The following NBAS variants were observed in gnomAD, a reference collection of about 807,000 sequenced individuals.
NBAS encodes NBAS subunit of NRZ tethering complex.
Under a neutral mutation model 302.5 loss-of-function variants are expected in NBAS, and 219 were observed. The observed-to-expected ratio is 0.72, with a 90% CI of 0.65 to 0.81. The LOEUF (loss-of-function observed/expected upper bound fraction) is 0.81. Ranked by LOEUF, NBAS falls within the 30% of genes least tolerant of loss-of-function variation. The pLI, the probability that NBAS is intolerant of heterozygous loss-of-function variation, is 0.00. For missense variants in NBAS, 2,932 were observed against 2,841.6 expected, an observed-to-expected ratio of 1.03 and a Z score of -0.72; for synonymous variants, 1,118 against 1,021.6, an observed-to-expected ratio of 1.09 and a Z score of -1.80.
chr2:15,129,362 G>A, the NBAS span, among the ~76,000 whole-genome samples: 4 of 152,190 alleles, frequency 2.6e-5, no homozygotes, highest in African/African-American at 9.6e-5. Flanking sequence ...AAGGCTCACT[G>A]TGCTCCTCCT....
At chr2:15,401,363 T>C (rs1676143998) in intron 26 of NBAS, among the ~76,000 whole-genome samples, 1 of 150,850 alleles carries the variant, frequency 6.6e-6, no homozygotes, top group South Asian at 2.1e-4. Context: ...AAAAATGTCC[T>C]TAAAAGAAAA....
At chr2:15,427,248 TA>T (rs1677525055) in intron 22 of NBAS, among the ~76,000 whole-genome samples, 2 of 152,026 alleles carry the variant, frequency 1.3e-5, no homozygotes, top group African/African-American at 4.8e-5. Flanking sequence ...GAGTAGGGCA[TA>T]AAGGCATTCC....
chr2:15,467,860 G>A (rs1304674762), intron 17 of NBAS, 56 bp from the exon 18 acceptor site: 3 of 1,381,710 alleles, frequency 2.2e-6, no homozygotes, highest in African/African-American at 2.9e-5. Context: ...TTCGTGTTGT[G>A]AAAAGCTTTC....
the NBAS span, among the ~76,000 whole-genome samples, chr2:14,957,278 C>CGTGTGTGTGT: frequency 2.0e-3 from 292 of 147,576 alleles, 1 homozygote; most frequent in African/African-American, 7.0e-3. Flanking sequence ...TATACATATA[C>CGTGTGTGTGT]GTGTGTGTGT....
At chr2:15,424,238 G>C in intron 23 of NBAS, 77 bp downstream of exon 23, 1 of 1,533,860 alleles carries the variant, frequency 6.5e-7, no homozygotes. Context: ...TGTCAGCCCC[G>C]ACTCCGTGTA....
intron 44 of NBAS, among the ~76,000 whole-genome samples, chr2:15,269,712 C>G (rs1193881620): frequency 1.3e-5 from 2 of 152,322 alleles, no homozygotes; most frequent in Non-Finnish European, 1.5e-5. Context: ...TAAATGCCTT[C>G]ATGCAATTAT....
the NBAS span, among the ~76,000 whole-genome samples, chr2:14,823,938 C>T: frequency 9.9e-3 from 1,506 of 152,284 alleles, 15 homozygotes; most frequent in Non-Finnish European, 0.017. Context: ...CAAACCACTC[C>T]GAGGCACTGT....
chr2:15,144,797 T>A, the NBAS span, among the ~76,000 whole-genome samples: 7 of 152,196 alleles, frequency 4.6e-5, no homozygotes, highest in South Asian at 1.2e-3. Flanking sequence ...GTGGTTGCGT[T>A]GGTTTATGAG....
chr2:15,504,689 G>A (rs980979092), intron 10 of NBAS, among the ~76,000 whole-genome samples: 1 of 152,110 alleles, frequency 6.6e-6, no homozygotes, highest in Non-Finnish European at 1.5e-5. Context: ...TTTAGACTTA[G>A]AAACTATATT....
At chr2:15,214,507 A>T (rs1666566035) in intron 48 of NBAS, among the ~76,000 whole-genome samples, 1 of 152,220 alleles carries the variant, frequency 6.6e-6, no homozygotes, top group Admixed American at 6.5e-5. Context: ...ATGACTGCTG[A>T]ACTGGGGATG....
chr2:15,303,597 T>C (rs997289984), intron 40 of NBAS, among the ~76,000 whole-genome samples: 1 of 152,134 alleles, frequency 6.6e-6, no homozygotes, highest in African/African-American at 2.4e-5. Context: ...GGTGTGTGAA[T>C]TTGGAAAGAG....
At chr2:14,965,371 G>T in the NBAS span, among the ~76,000 whole-genome samples, 3 of 151,896 alleles carry the variant, frequency 2.0e-5, no homozygotes, top group East Asian at 5.8e-4. Context: ...GATATTAAAA[G>T]GATAATTCGA....
chr2:15,472,394 C>G (rs903929720), intron 16 of NBAS, among the ~76,000 whole-genome samples: 1 of 152,142 alleles, frequency 6.6e-6, no homozygotes, highest in Non-Finnish European at 1.5e-5. Flanking sequence ...CACCCAGGCA[C>G]CTGAGAGGGA....
intron 48 of NBAS, among the ~76,000 whole-genome samples, chr2:15,207,385 C>T (rs527893120): frequency 6.6e-6 from 1 of 152,268 alleles, no homozygotes; most frequent in East Asian, 1.9e-4. Flanking sequence ...TAAGTGAAAA[C>T]AACTCGTCTT....
intron 44 of NBAS, among the ~76,000 whole-genome samples, chr2:15,242,961 T>C (rs1239734104): frequency 2.6e-5 from 4 of 152,066 alleles, no homozygotes; most frequent in Non-Finnish European, 4.4e-5. Context: ...ACATATATCA[T>C]GGGAGATAAT....
At chr2:14,840,929 TG>T in the NBAS span, among the ~76,000 whole-genome samples, 1 of 152,080 alleles carries the variant, frequency 6.6e-6, no homozygotes, top group Non-Finnish European at 1.5e-5. Flanking sequence ...AACTCTGGTA[TG>T]AAGCCAGACA....
intron 32 of NBAS, among the ~76,000 whole-genome samples, chr2:15,360,779 G>A (rs1029920825): frequency 1.3e-5 from 2 of 148,954 alleles, no homozygotes; most frequent in South Asian, 2.1e-4. Flanking sequence ...TCCACCTATT[G>A]TCCCACTGGA....
chr2:15,167,334 T>C lies in NBAS; in HGVS notation c.6841-11A>G. The C allele has an allele frequency of 6.2e-7, 1 of 1,614,116 alleles. No homozygotes were observed. Among genetic ancestry groups the C allele is most frequent in the Non-Finnish European group, 8.5e-7 (1 of 1,179,984 alleles). On this transcript the variant is annotated splice_polypyrimidine_tract_variant and intron_variant, in intron 51 of 51. Transcript: ENST00000281513. ...ATTGGAATCATTCACCTTCAAGAAA[T>C]AAGACAGGCACAGCGTGAGGGGGTG...
the NBAS span, among the ~76,000 whole-genome samples, chr2:14,985,692 A>T: frequency 6.6e-6 from 1 of 152,210 alleles, no homozygotes; most frequent in Non-Finnish European, 1.5e-5. Flanking sequence ...GTTGGTTTAA[A>T]TGTCTAGAAG....
Sources: allele counts gnomAD v4.1 joint callset (sites outside exome capture counted in the v4.1 genomes callset), GRCh38; gene constraint gnomAD v4.1.1; transcripts MANE v1.5; gene names NCBI Gene and HGNC (gene_info 2026-07-23, HGNC 2026-07-21).